The following RCAN3 variants were observed in gnomAD, a reference collection of about 807,000 sequenced individuals.
RCAN3 encodes regulator of calcineurin 3, also known as calcipressin-3.
A neutral mutation model predicts 21.9 loss-of-function variants in RCAN3; 19 were observed. The observed-to-expected ratio is 0.87, with a 90% CI of 0.61 to 1.27. The LOEUF (loss-of-function observed/expected upper bound fraction) is 1.27, where lower values mean the gene tolerates loss of function less well. RCAN3 is among the 50% of genes most tolerant of loss of function. The probability of loss-of-function intolerance (pLI) is 0.00; values close to 1 mark genes in which losing one functional copy is unlikely to be tolerated. For missense variants in RCAN3, 240 were observed against 300.1 expected, an observed-to-expected ratio of 0.80 and a Z score of 1.48; for synonymous variants, 114 against 112.3, an observed-to-expected ratio of 1.01 and a Z score of -0.09.
At chr1:24,511,323 CAAAACAAAACAAA>C (rs1647867706) in intron 1 of RCAN3, among the ~76,000 whole-genome samples, 1 of 151,996 alleles carries the variant, frequency 6.6e-6, no homozygotes, top group African/African-American at 2.4e-5. Flanking sequence ...AGAAACAAAA[CAAAACAAAACAAA>C]AAAACAAAAC....
At chr1:24,527,332 G>A (rs563929882) in intron 2 of RCAN3, among the ~76,000 whole-genome samples, 2 of 152,294 alleles carry the variant, frequency 1.3e-5, no homozygotes, top group African/African-American at 2.4e-5. Context: ...ATGGAAACAC[G>A]ATAGTAAATA....
chr1:24,540,637 A>G lies in RCAN3; in HGVS notation c.*5360A>G, dbSNP rs1173143939. 7 of 152,180 alleles carry G rather than the reference A, an allele frequency of 4.6e-5. No individual in the cohort carries two copies. Among genetic ancestry groups the G allele is most frequent in the African/African-American group, 7.2e-5 (3 of 41,418 alleles). 9.4% of individuals were successfully genotyped at this position (152,180 alleles called of 1,614,324 possible). A position where few individuals can be genotyped will look rare whatever the true frequency, so the allele number is the denominator to read the frequency against. ...TCTGCTATAATGTGCGTGCCCTTCA[A>G]GTTTCAGAAAACTTTCCCAATCATT... On this transcript the variant is annotated 3_prime_UTR_variant, in exon 5 of 5. Coordinates refer to ENST00000374395, the MANE Select transcript of RCAN3 (RefSeq NM_013441.4).
chr1:24,529,604 G>A (rs1383801438), intron 2 of RCAN3, among the ~76,000 whole-genome samples: 2 of 142,560 alleles, frequency 1.4e-5, no homozygotes, highest in Admixed American at 7.0e-5. Flanking sequence ...AGGCTGGAGT[G>A]CAGTGGCAGG....
intron 3 of RCAN3, among the ~76,000 whole-genome samples, chr1:24,531,747 T>A (rs747275393): frequency 1.3e-5 from 2 of 152,130 alleles, no homozygotes; most frequent in Non-Finnish European, 2.9e-5. Context: ...AGACATGAAA[T>A]CCTTGGGAAA....
chr1:24,520,247 G>T (rs1648676196), intron 2 of RCAN3, among the ~76,000 whole-genome samples: 1 of 152,176 alleles, frequency 6.6e-6, no homozygotes, highest in South Asian at 2.1e-4. Context: ...TTATAGTGCT[G>T]TTCTGGCCAA....
At chr1:24,534,977 T>C (rs190054289) in intron 4 of RCAN3, 116 bp from the exon 5 acceptor site, 1 of 951,594 alleles carries the variant, frequency 1.1e-6, no homozygotes, top group East Asian at 2.8e-5. Flanking sequence ...TTTAAAGATT[T>C]AAAGAACAAG....
At position 24,525,469 on chromosome 1, in the gene RCAN3, C is replaced by T. The variant is rs9424328; in HGVS notation, c.196-5749C>T. On this transcript the variant is annotated intron_variant, in intron 2 of 4. Coordinates refer to ENST00000374395, the MANE Select transcript of RCAN3 (RefSeq NM_013441.4). The surrounding 1 kb of genome is among the most constrained non-coding windows in gnomAD (Gnocchi z 4.1). ...GCATTGTTTGTGTTATGCCTGTAGACGTTGTGCTGCCAGAGGGGGATACTA... is the reference window on the plus strand; with the variant it reads ...GCATTGTTTGTGTTATGCCTGTAGATGTTGTGCTGCCAGAGGGGGATACTA... Among the ~76,000 whole-genome samples the T allele has an allele frequency of 2.6e-5, 4 of 152,028 alleles. No individual in the cohort carries two copies. The highest frequency in any genetic ancestry group is 7.3e-5 in the African/African-American group (3 of 41,342).
chr1:24,518,157 T>C (rs538498748), intron 2 of RCAN3, among the ~76,000 whole-genome samples: 5 of 152,066 alleles, frequency 3.3e-5, no homozygotes, highest in Admixed American at 2.6e-4. Flanking sequence ...AGACCCCATC[T>C]CTATAAAAAA....
At chr1:24,518,852 C>T (rs1300453783) in intron 2 of RCAN3, among the ~76,000 whole-genome samples, 1 of 152,096 alleles carries the variant, frequency 6.6e-6, no homozygotes. Flanking sequence ...CAGCTCAGTG[C>T]AACCTCTGCC....
At chr1:24,528,254 GAAAAAAA>G (rs57400823) in intron 2 of RCAN3, among the ~76,000 whole-genome samples, 4 of 122,144 alleles carry the variant, frequency 3.3e-5, no homozygotes, top group Admixed American at 2.5e-4. Flanking sequence ...TGGAAAAAAA[GAAAAAAA>G]AAAAAAGAAA....
Position 24,533,112 on chromosome 1 carries a change from G to A in RCAN3, c.399G>A (p.Lys133=). The change falls in exon 4 of 5, where the codon AAG becomes AAA. Residue 133 remains lysine, a synonymous_variant. Coordinates refer to ENST00000374395, the MANE Select transcript of RCAN3 (RefSeq NM_013441.4). The part of the protein sequence containing the change: ...QVQMSGEVRD[K]SYLLPPQPVK... ...AGATGTCCGGCGAAGTGCGGGACAA[G>A]TCCTATCTCCTGCCGCCCCAGCCTG... 6.5e-7 allele frequency: 1 copy of A among 1,549,630 alleles called. No homozygotes were observed. Among genetic ancestry groups the A allele is most frequent in the Non-Finnish European group, 8.7e-7 (1 of 1,150,684 alleles).
At chr1:24,507,931 C>T (rs1450235838) in intron 1 of RCAN3, among the ~76,000 whole-genome samples, 1 of 152,116 alleles carries the variant, frequency 6.6e-6, no homozygotes, top group Non-Finnish European at 1.5e-5. Context: ...AAAAAGTTAG[C>T]TAGGTGTGTG....
chr1:24,534,480 G>A (rs972559498), intron 4 of RCAN3, among the ~76,000 whole-genome samples: 3 of 152,086 alleles, frequency 2.0e-5, no homozygotes, highest in Non-Finnish European at 2.9e-5. Context: ...GATAGCGGGC[G>A]CCTGTAGTCC....
chr1:24,505,411 C>A (rs763882672), intron 1 of RCAN3, among the ~76,000 whole-genome samples: 1 of 151,346 alleles, frequency 6.6e-6, no homozygotes, highest in Admixed American at 6.6e-5. Context: ...TTTGTAGAGA[C>A]GGGGTTTTTC....
rs548388432 is a variant in RCAN3, at chr1:24,527,671, A to G, written c.196-3547A>G. Among the ~76,000 whole-genome samples the G allele has an allele frequency of 1.4e-4, 22 of 152,314 alleles. No homozygotes were observed. The South Asian group carries it at 3.5e-3, about 24-fold the overall frequency. ...CAACAGATCATTGAAAGATCTTTAC[A>G]TAGGCGAAGCAAGAACAAAGCTAAT... On this transcript the variant is annotated intron_variant, in intron 2 of 4. Coordinates refer to ENST00000374395, the MANE Select transcript of RCAN3 (RefSeq NM_013441.4).
chr1:24,534,793 C>T (rs1478875630), intron 4 of RCAN3, among the ~76,000 whole-genome samples: 1 of 152,068 alleles, frequency 6.6e-6, no homozygotes, highest in Non-Finnish European at 1.5e-5. Context: ...AGCGAGACTC[C>T]ATCTCAAATA....
Position 24,539,474 on chromosome 1 carries a change from A to G in RCAN3, c.*4197A>G, listed in dbSNP as rs1293288509. 1 of 152,230 alleles carries G rather than the reference A, an allele frequency of 6.6e-6. No homozygotes were observed. The highest frequency in any genetic ancestry group is 2.4e-5 in the African/African-American group (1 of 41,458). The allele number at this position is 152,230 out of a possible 1,614,324, so 9.4% of individuals were successfully genotyped here. A position where few individuals can be genotyped will look rare whatever the true frequency, so the allele number is the denominator to read the frequency against. On this transcript the variant is annotated 3_prime_UTR_variant, in exon 5 of 5. Transcript: ENST00000374395. ...TATGTGGGCCTTCCCAGATTTTCAT[A>G]TTAATGAAATGACTAATAGTCGTAC...
chr1:24,514,988 T>C (rs530141086), intron 2 of RCAN3, among the ~76,000 whole-genome samples: 97 of 150,476 alleles, frequency 6.4e-4, no homozygotes, highest in Non-Finnish European at 4.4e-4. Context: ...AAAAAGAAAG[T>C]GTATGTCCAC....
chr1:24,508,072 G>A (rs1232929868), intron 1 of RCAN3, among the ~76,000 whole-genome samples: 1 of 152,076 alleles, frequency 6.6e-6, no homozygotes. Context: ...CGCCGAGACT[G>A]CGCCACTGCA....
Sources: allele counts gnomAD v4.1 joint callset (sites outside exome capture counted in the v4.1 genomes callset), GRCh38; gene constraint gnomAD v4.1.1; non-coding constraint Gnocchi (gnomAD v3.1); transcripts MANE v1.5; gene names NCBI Gene and HGNC (gene_info 2026-07-23, HGNC 2026-07-21).